Variants in SNAP91 observed in about 807,000 individuals in gnomAD.
SNAP91 encodes the protein clathrin coat assembly protein AP180.
Under a neutral mutation model 100.3 loss-of-function variants are expected in SNAP91, and 27 were observed. The ratio of observed to expected loss-of-function variants is 0.27; its 90% CI spans 0.20 to 0.37. SNAP91 has a LOEUF of 0.37. Ranked by LOEUF, SNAP91 falls within the 10% of genes least tolerant of loss-of-function variation. The probability of loss-of-function intolerance (pLI) is 1.00; values close to 1 mark genes in which losing one functional copy is unlikely to be tolerated. For synonymous variants in SNAP91, 404 were observed against 398.6 expected (o/e 1.01, Z -0.16); for missense variants, 986 against 1,123.7 (o/e 0.88, Z 1.75).
intron 7 of SNAP91, among the ~76,000 whole-genome samples, chr6:83,653,277 A>C (rs902904069): frequency 6.6e-6 from 1 of 151,022 alleles, no homozygotes; most frequent in African/African-American, 2.4e-5. Context: ...TTTTGTTTTT[A>C]GTTGTTTGTG....
At chr6:83,676,607 C>T (rs1247196094) in intron 2 of SNAP91, among the ~76,000 whole-genome samples, 1 of 152,166 alleles carries the variant, frequency 6.6e-6, no homozygotes, top group African/African-American at 2.4e-5. Flanking sequence ...GGACAGAGAA[C>T]TGACCAGGTT....
intron 26 of SNAP91, among the ~76,000 whole-genome samples, chr6:83,566,543 C>T (rs192575214): frequency 6.6e-5 from 10 of 152,158 alleles, no homozygotes; most frequent in Admixed American, 5.2e-4. Flanking sequence ...GCAAAATGAA[C>T]CTGCAGAAAT....
At chr6:83,607,906 A>T (rs2095738673) in intron 12 of SNAP91, 98 bp from the exon 13 acceptor site, 14 of 459,808 alleles carry the variant, frequency 3.0e-5, no homozygotes, top group South Asian at 7.5e-5. Context: ...ATGCCCAGCA[A>T]TTTTTTTTTT....
chr6:83,578,864 T>G (rs1398592559), intron 24 of SNAP91, among the ~76,000 whole-genome samples: 1 of 152,212 alleles, frequency 6.6e-6, no homozygotes, highest in African/African-American at 2.4e-5. Context: ...TTGCGTAGAT[T>G]TAGCTCTTAC....
intron 2 of SNAP91, among the ~76,000 whole-genome samples, chr6:83,669,450 T>C (rs1398558544): frequency 6.6e-6 from 1 of 151,902 alleles, no homozygotes; most frequent in East Asian, 1.9e-4. Context: ...CTTGGGAAGA[T>C]ATATCTGGTA....
chr6:83,564,315 CCTTT>C (rs771034674), intron 26 of SNAP91, among the ~76,000 whole-genome samples: 38 of 150,258 alleles, frequency 2.5e-4, no homozygotes, highest in Non-Finnish European at 3.8e-4. Context: ...ATAGGCTCTT[CCTTT>C]CTTTCTTTCT....
At chr6:83,690,475 A>G (rs1587739431) in intron 2 of SNAP91, 2 of 1,169,758 alleles carry the variant, frequency 1.7e-6, no homozygotes, top group East Asian at 1.2e-4. Context: ...ATTAATAAGA[A>G]AATACTCAAC....
intron 28 of SNAP91, 32 bp from the exon 29 acceptor site, chr6:83,556,277 G>A: frequency 9.9e-7 from 1 of 1,013,026 alleles, no homozygotes; most frequent in Non-Finnish European, 1.4e-6. Flanking sequence ...CAAAGAGCAG[G>A]AATAGAAAGC....
At chr6:83,606,863 A>C (rs2128284106) in intron 13 of SNAP91, among the ~76,000 whole-genome samples, 1 of 152,344 alleles carries the variant, frequency 6.6e-6, no homozygotes, top group African/African-American at 2.4e-5. Context: ...TAATATCTTA[A>C]AGCTTTTGTA....
chr6:83,574,905 G>T, intron 26 of SNAP91, 105 bp downstream of exon 26: 1 of 685,478 alleles, frequency 1.5e-6, no homozygotes, highest in Non-Finnish European at 2.5e-6. Context: ...CAATGCAGAG[G>T]AATAAGTACA....
At chr6:83,663,885 G>C (rs2098617310) in intron 3 of SNAP91, among the ~76,000 whole-genome samples, 1 of 152,096 alleles carries the variant, frequency 6.6e-6, no homozygotes, top group Admixed American at 6.6e-5. Context: ...TCAAAGGACA[G>C]CCTGACTCTC....
At chr6:83,608,108 A>G (rs922721178) in intron 12 of SNAP91, among the ~76,000 whole-genome samples, 4 of 152,222 alleles carry the variant, frequency 2.6e-5, no homozygotes, top group African/African-American at 9.6e-5. Context: ...TCCTGAACAT[A>G]AAATTATTAG....
At chr6:83,684,990 T>C (rs1028001259) in intron 2 of SNAP91, among the ~76,000 whole-genome samples, 4 of 152,186 alleles carry the variant, frequency 2.6e-5, no homozygotes, top group African/African-American at 9.6e-5. Flanking sequence ...ATATTCAATA[T>C]AGGCACAGAC....
At chr6:83,593,305 C>G in intron 18 of SNAP91, 46 bp from the exon 19 acceptor site, 4 of 1,544,778 alleles carry the variant, frequency 2.6e-6, no homozygotes, top group Non-Finnish European at 2.6e-6. Context: ...GAACAATAAG[C>G]CTGACACAGC....
intron 8 of SNAP91, among the ~76,000 whole-genome samples, chr6:83,629,383 T>C (rs1313353770): frequency 6.6e-6 from 1 of 152,180 alleles, no homozygotes; most frequent in Non-Finnish European, 1.5e-5. Flanking sequence ...GAATTGTTTT[T>C]TTCTAATTCT....
At chr6:83,554,717 C>G (rs1426108964) in intron 29 of SNAP91, among the ~76,000 whole-genome samples, 1 of 152,118 alleles carries the variant, frequency 6.6e-6, no homozygotes, top group African/African-American at 2.4e-5. Context: ...ACTTTCTAAA[C>G]AGCTGAACCA....
chr6:83,590,708 A>T (rs1320808439), intron 22 of SNAP91, among the ~76,000 whole-genome samples: 2 of 152,198 alleles, frequency 1.3e-5, no homozygotes, highest in African/African-American at 4.8e-5. Flanking sequence ...TTAAAAAAAG[A>T]TGGGCATAGA....
At chr6:83,598,247 T>G (rs1244449892) in intron 16 of SNAP91, among the ~76,000 whole-genome samples, 1 of 152,200 alleles carries the variant, frequency 6.6e-6, no homozygotes, top group Non-Finnish European at 1.5e-5. Context: ...ACACTGCCCT[T>G]GCAATCCTGT....
intron 11 of SNAP91, among the ~76,000 whole-genome samples, chr6:83,614,418 A>C (rs1488481278): frequency 1.3e-5 from 2 of 152,170 alleles, no homozygotes; most frequent in Non-Finnish European, 2.9e-5. Context: ...CAAATGCTTC[A>C]ATTTATGTAT....
Sources: allele counts gnomAD v4.1 joint callset (sites outside exome capture counted in the v4.1 genomes callset), GRCh38; gene constraint gnomAD v4.1.1; transcripts MANE v1.5; gene names NCBI Gene and HGNC (gene_info 2026-07-23, HGNC 2026-07-21).